Variants in DHX8 observed in about 807,000 individuals in gnomAD.
DHX8 encodes the protein ATP-dependent RNA helicase DHX8.
Under a neutral mutation model 140.7 loss-of-function variants are expected in DHX8, and 67 were observed. The ratio of observed to expected loss-of-function variants is 0.48; its 90% CI spans 0.39 to 0.58. The LOEUF (loss-of-function observed/expected upper bound fraction) is 0.58, where lower values mean the gene tolerates loss of function less well. DHX8 is among the 20% of genes least tolerant of loss of function. DHX8 has a pLI of 0.00. For missense variants in DHX8, 887 were observed against 1,550.7 expected, an observed-to-expected ratio of 0.57 and a Z score of 7.19; for synonymous variants, 533 against 553.2, an observed-to-expected ratio of 0.96 and a Z score of 0.51.
intron 3 of DHX8, among the ~76,000 whole-genome samples, chr17:43,543,227 C>T (rs1395437687): frequency 6.6e-6 from 1 of 150,966 alleles, no homozygotes; most frequent in Non-Finnish European, 1.5e-5. Context: ...ACCTCCCCAC[C>T]CACTGGATTT....
intron 11 of DHX8, among the ~76,000 whole-genome samples, chr17:43,501,755 C>T (rs1410548720): frequency 2.0e-5 from 3 of 151,914 alleles, no homozygotes; most frequent in African/African-American, 4.8e-5. Context: ...CCCAAAGTGC[C>T]GGGATTACAA....
chr17:43,497,902 A>G (rs1348984456), intron 9 of DHX8, among the ~76,000 whole-genome samples: 1 of 152,228 alleles, frequency 6.6e-6, no homozygotes, highest in Non-Finnish European at 1.5e-5. Flanking sequence ...TTGTCGAACT[A>G]ATTTTTTACA....
chr17:43,539,680 G>C (rs1378624912), intron 3 of DHX8, among the ~76,000 whole-genome samples: 4 of 152,144 alleles, frequency 2.6e-5, no homozygotes, highest in Admixed American at 1.3e-4. Context: ...GTGGGCCTGA[G>C]GGCATGCACT....
downstream of DHX8, chr17:43,528,810 G>C (rs1177217686): frequency 7.5e-7 from 1 of 1,329,074 alleles, no homozygotes; most frequent in East Asian, 2.3e-5. Context: ...GTAAGGTGGG[G>C]GAGTGGGGAA....
intron 3 of DHX8, among the ~76,000 whole-genome samples, chr17:43,542,682 A>G (rs1171555303): frequency 6.6e-6 from 1 of 152,048 alleles, no homozygotes; most frequent in African/African-American, 2.4e-5. Context: ...TCACCCTTCA[A>G]CGCCCGGACG....
intron 17 of DHX8, among the ~76,000 whole-genome samples, chr17:43,516,352 T>A (rs973187571): frequency 1.3e-5 from 2 of 152,230 alleles, no homozygotes; most frequent in Non-Finnish European, 2.9e-5. Context: ...ACTAAAATTA[T>A]TTTACATTGT....
intron 2 of DHX8, among the ~76,000 whole-genome samples, chr17:43,535,029 T>C (rs1468494771): frequency 2.0e-5 from 3 of 152,224 alleles, no homozygotes; most frequent in Non-Finnish European, 4.4e-5. Context: ...ATTATACACA[T>C]GCTCCTACTT....
intron 18 of DHX8, chr17:43,519,863 C>T (rs561809034): frequency 3.7e-4 from 110 of 299,436 alleles, no homozygotes; most frequent in African/African-American, 2.1e-3. Context: ...ATCGCTTGAA[C>T]GTAGGAGGTG....
chr17:43,484,154 C>G lies in DHX8; in HGVS notation c.117C>G (p.Asp39Glu). The G allele has an allele frequency of 6.2e-7, 1 of 1,614,158 alleles. No individual in the cohort carries two copies. The highest frequency in any genetic ancestry group is 8.5e-7 in the Non-Finnish European group (1 of 1,180,028). Reference protein sequence around the residue: ...SLVSKVCTELDNHLGINDKDL... With the variant: ...SLVSKVCTELENHLGINDKDL... ...TGTCAAAGGTTTGCACTGAGCTGGA[C>G]AATCACTTGGGGATCAACGACAAGG... The change falls in exon 1 of 23, where the codon GAC becomes GAG. Residue 39 changes from aspartate (D) to glutamate (E), a missense_variant. By Grantham distance (45) the Asp-to-Glu change is conservative. Around this residue, in one of 9 missense-constraint regions of DHX8, gnomAD observed 8 missense variants for 26.2 expected, o/e 0.31. Coordinates refer to ENST00000262415, the MANE Select transcript of DHX8 (RefSeq NM_004941.3).
At chr17:43,518,190 AAC>A (rs1468865906) in intron 18 of DHX8, 3 of 152,238 alleles carry the variant, frequency 2.0e-5, no homozygotes, top group Non-Finnish European at 2.9e-5. Context: ...GATGATTGCT[AAC>A]ATAATTCATC....
chr17:43,515,185 T>A (rs1312196959), intron 17 of DHX8, among the ~76,000 whole-genome samples: 1 of 152,190 alleles, frequency 6.6e-6, no homozygotes, highest in Non-Finnish European at 1.5e-5. Context: ...TAGCTAACAC[T>A]TTTTGTTTTG....
intron 2 of DHX8, among the ~76,000 whole-genome samples, chr17:43,535,540 G>A (rs1253705520): frequency 6.6e-6 from 1 of 152,148 alleles, no homozygotes; most frequent in Non-Finnish European, 1.5e-5. Context: ...GCCTCCCAAA[G>A]TGCTGGGATT....
Position 43,507,719 on chromosome 17 carries a change from C to G in DHX8, c.2109+31C>G, listed in dbSNP as rs780191466. ...TAGATGCTCTTTAATGACCCCTCTACCTGTTGGAAGCTGAATTCTGGCAGT... is the reference window on the plus strand; with the variant it reads ...TAGATGCTCTTTAATGACCCCTCTAGCTGTTGGAAGCTGAATTCTGGCAGT... On this transcript the variant is annotated intron_variant, in intron 14 of 22. Coordinates refer to ENST00000262415, the MANE Select transcript of DHX8 (RefSeq NM_004941.3). 1.6e-5 allele frequency: 25 copies of G among 1,612,632 alleles called. No individual in the cohort carries two copies. In the East Asian group the frequency reaches 4.9e-4, roughly 32 times the overall value.
Position 43,525,659 on chromosome 17 carries a change from A to C in DHX8, c.*1812A>C. The C allele has an allele frequency of 1.0e-6, 1 of 985,388 alleles. No homozygotes were observed. Among genetic ancestry groups the C allele is most frequent in the Non-Finnish European group, 1.2e-6 (1 of 829,896 alleles). 61.0% of individuals were successfully genotyped at this position (985,388 alleles called of 1,614,324 possible). Reference sequence around the variant, plus strand: ...GTTTTGTTTTTGTTTTTGTTAAGACAGGATCTTGCCATCTTGCCTAGGCTG... The same window carrying C: ...GTTTTGTTTTTGTTTTTGTTAAGACCGGATCTTGCCATCTTGCCTAGGCTG... On this transcript the variant is annotated 3_prime_UTR_variant, in exon 23 of 23. Transcript: ENST00000262415.
intron 3 of DHX8, among the ~76,000 whole-genome samples, chr17:43,542,833 G>GA (rs1277130706): frequency 6.6e-6 from 1 of 152,056 alleles, no homozygotes; most frequent in Non-Finnish European, 1.5e-5. Flanking sequence ...TGGGGCTTTG[G>GA]AAAAAACCAA....
At chr17:43,539,424 T>C (rs757032624) in intron 3 of DHX8, among the ~76,000 whole-genome samples, 1 of 152,200 alleles carries the variant, frequency 6.6e-6, no homozygotes, top group Non-Finnish European at 1.5e-5. Context: ...ATTGCATCTA[T>C]GTTTTGTTTT....
In DHX8 at chr17:43,507,558, A is replaced by T; in HGVS notation, c.1979A>T (p.Tyr660Phe). The T allele has an allele frequency of 6.2e-7, 1 of 1,614,206 alleles. No individual in the cohort carries two copies. Among genetic ancestry groups the T allele is most frequent in the Non-Finnish European group, 8.5e-7 (1 of 1,180,032 alleles). Residue 660 changes from tyrosine to phenylalanine, a missense_variant, in exon 14 of 23, where the codon TAC becomes TTC. By Grantham distance (22) the Tyr-to-Phe change is conservative. This residue lies in a region of DHX8 where 178 missense variants were observed against 398.5 expected (regional missense o/e 0.45). Transcript: ENST00000262415. Reference sequence around the variant, plus strand: ...ACTAGCCCTGAAACAGTCATCAAGTACATGACAGATGGGATGTTGCTTAGA... The same window carrying T: ...ACTAGCCCTGAAACAGTCATCAAGTTCATGACAGATGGGATGTTGCTTAGA... Reference protein sequence around the residue: ...DCTSPETVIKYMTDGMLLREC... With the variant: ...DCTSPETVIKFMTDGMLLREC...
Position 43,491,161 on chromosome 17 carries a change from C to CA in DHX8, c.308-2dup. 6.7e-7 allele frequency: 1 copy of CA among 1,500,128 alleles called. No individual in the cohort carries two copies. Among genetic ancestry groups the CA allele is most frequent in the Non-Finnish European group, 8.9e-7 (1 of 1,120,446 alleles). 92.9% of individuals were successfully genotyped at this position (1,500,128 alleles called of 1,614,324 possible). A position where few individuals can be genotyped will look rare whatever the true frequency, so the allele number is the denominator to read the frequency against. On this transcript the variant is annotated splice_polypyrimidine_tract_variant and splice_region_variant and intron_variant, in intron 3 of 22. Coordinates refer to ENST00000262415, the MANE Select transcript of DHX8 (RefSeq NM_004941.3). ...AACCCCTTCATGCTCTTTAATGAAA[C>CA]AAGATCCAGTTGTTAAACCTAAAAC... is the stretch of plus-strand genomic sequence containing the variant.
At chr17:43,489,143 T>A (rs993584729) in intron 1 of DHX8, among the ~76,000 whole-genome samples, 1 of 152,126 alleles carries the variant, frequency 6.6e-6, no homozygotes, top group Non-Finnish European at 1.5e-5. Context: ...TAGCTGGGAT[T>A]ACAGGTGCCT....
Sources: gnomAD v4.1 joint callset for allele counts (sites outside exome capture counted in the v4.1 genomes callset) on GRCh38, gnomAD v4.1.1 for gene constraint, gnomAD v4.1.1 regional missense constraint, MANE v1.5 for transcripts, NCBI Gene and HGNC (gene_info 2026-07-23, HGNC 2026-07-21) for gene names.